PCDH15: variants seen among roughly 807,000 people sequenced by gnomAD.
PCDH15 encodes the protein protocadherin related 15.
In PCDH15, 129 loss-of-function variants were observed where a neutral mutation model predicts 178.5. The ratio of observed to expected loss-of-function variants is 0.72; its 90% CI spans 0.63 to 0.84. The LOEUF is 0.84. Among genes scored for constraint, PCDH15 ranks in the 40% least tolerant of loss-of-function variants. The pLI is 0.00. For missense variants in PCDH15, 2,230 were observed against 2,099.9 expected (o/e 1.06, Z -1.21); for synonymous variants, 800 against 732.0 (o/e 1.09, Z -1.50).
chr10:54,592,345 G>A (rs189642126), intron 2 of PCDH15, among the ~76,000 whole-genome samples: 168 of 141,598 alleles, frequency 1.2e-3, no homozygotes, highest in African/African-American at 4.3e-3. Flanking sequence ...TTCTTCCTTC[G>A]ACTTCCTTCC....
chr10:55,580,993 G>A (rs1165858266), intron 2 of PCDH15, among the ~76,000 whole-genome samples: 2 of 152,080 alleles, frequency 1.3e-5, no homozygotes, highest in Admixed American at 1.3e-4. Context: ...AATGAGATAC[G>A]TTGCTTATCC....
At chr10:55,371,998 A>C (rs908764456) in intron 2 of PCDH15, among the ~76,000 whole-genome samples, 2 of 152,138 alleles carry the variant, frequency 1.3e-5, no homozygotes, top group Non-Finnish European at 2.9e-5. Flanking sequence ...AACTTCAAAC[A>C]GATTCATACA....
At chr10:53,899,897 G>A (rs952205514) in intron 26 of PCDH15, among the ~76,000 whole-genome samples, 1 of 152,062 alleles carries the variant, frequency 6.6e-6, no homozygotes, top group Non-Finnish European at 1.5e-5. Context: ...ACTCCCTTCC[G>A]CTCGTAAATC....
intron 2 of PCDH15, among the ~76,000 whole-genome samples, chr10:55,611,960 G>C (rs555121274): frequency 1.3e-5 from 2 of 152,032 alleles, no homozygotes; most frequent in African/African-American, 4.8e-5. Flanking sequence ...CACGTGAAAA[G>C]TAAAAAATGT....
intron 17 of PCDH15, among the ~76,000 whole-genome samples, chr10:54,068,486 A>T (rs1345679957): frequency 6.6e-6 from 1 of 152,198 alleles, no homozygotes; most frequent in Non-Finnish European, 1.5e-5. Context: ...ATGGTTATAC[A>T]GGATTGTGTT....
chr10:54,452,982 G>C (rs964252846), intron 3 of PCDH15, among the ~76,000 whole-genome samples: 1 of 152,048 alleles, frequency 6.6e-6, no homozygotes, highest in African/African-American at 2.4e-5. Flanking sequence ...GTTAAGATGA[G>C]GTCGTACTGG....
intron 2 of PCDH15, among the ~76,000 whole-genome samples, chr10:55,377,180 T>G (rs1837413852): frequency 6.7e-6 from 1 of 149,450 alleles, no homozygotes; most frequent in South Asian, 2.1e-4. Context: ...AAAAACAGAC[T>G]GGAAGTACTG....
intron 2 of PCDH15, among the ~76,000 whole-genome samples, chr10:54,927,481 A>G (rs1837662072): frequency 6.6e-6 from 1 of 152,020 alleles, no homozygotes; most frequent in African/African-American, 2.4e-5. Context: ...TCAGGTCCTG[A>G]ATATCTTTAT....
At chr10:54,194,608 A>ATGTGTG (rs139042978) in intron 11 of PCDH15, among the ~76,000 whole-genome samples, 3 of 115,442 alleles carry the variant, frequency 2.6e-5, no homozygotes, top group African/African-American at 1.2e-4. Flanking sequence ...TGTTTTATAT[A>ATGTGTG]TATGTGTGTG....
intron 15 of PCDH15, among the ~76,000 whole-genome samples, chr10:54,120,593 T>C (rs545731891): frequency 3.3e-4 from 50 of 152,046 alleles, no homozygotes; most frequent in African/African-American, 1.2e-3. Flanking sequence ...TGGAGTAAGA[T>C]CTACTATGCA....
chr10:54,790,041 A>G (rs1014659455), intron 1 of PCDH15, among the ~76,000 whole-genome samples: 1 of 151,942 alleles, frequency 6.6e-6, no homozygotes, highest in Admixed American at 6.6e-5. Context: ...AAAATATTAA[A>G]TAAAAGTATA....
At chr10:55,328,913 CATATATAT>C (rs56104592) in intron 2 of PCDH15, among the ~76,000 whole-genome samples, 6,398 of 111,234 alleles carry the variant, frequency 0.058, 245 homozygotes, top group African/African-American at 0.096. Context: ...TTCACACAAA[CATATATAT>C]ATATATATAT....
At chr10:53,989,089 T>C (rs2091298691) in intron 21 of PCDH15, among the ~76,000 whole-genome samples, 1 of 152,164 alleles carries the variant, frequency 6.6e-6, no homozygotes. Flanking sequence ...GTTTAAACAG[T>C]TGGCCGCCTA....
intron 3 of PCDH15, among the ~76,000 whole-genome samples, chr10:54,821,915 A>C (rs901989874): frequency 2.6e-5 from 4 of 152,130 alleles, no homozygotes; most frequent in Admixed American, 6.6e-5. Flanking sequence ...AGTATTCATC[A>C]ATTACTTTGC....
In PCDH15 at chr10:55,518,343, T is replaced by C. The variant is rs180737974; in HGVS notation, c.-156+109282A>G. ...AACTCATGTCAGGCTTTGTTTATCTTTGACAATATATCTAACAGTCTGGAT... is the reference window on the plus strand; with the variant it reads ...AACTCATGTCAGGCTTTGTTTATCTCTGACAATATATCTAACAGTCTGGAT... On this transcript the variant is annotated intron_variant, in intron 2 of 5. Transcript: ENST00000613346. Among the ~76,000 whole-genome samples, 551 of 152,228 alleles carry C rather than the reference T, an allele frequency of 3.6e-3. 11 individuals carry two copies. Among genetic ancestry groups the C allele is most frequent in the Non-Finnish European group, 9.8e-4 (67 of 68,026 alleles).
intron 2 of PCDH15, among the ~76,000 whole-genome samples, chr10:54,992,051 A>G (rs16906789): frequency 0.23 from 35,523 of 151,960 alleles, 4,547 homozygotes; most frequent in African/African-American, 0.31. Context: ...ATTGATGCAA[A>G]TGTTTCTATG....
At chr10:54,163,581 G>C (rs144295337) in intron 13 of PCDH15, among the ~76,000 whole-genome samples, 21 of 152,192 alleles carry the variant, frequency 1.4e-4, no homozygotes, top group African/African-American at 4.3e-4. Flanking sequence ...TGAGATTTGG[G>C]TGGGGACACA....
rs183822824 is a variant in PCDH15, at chr10:54,716,680, C to A, written c.-28-52390G>T. ...TTTGGGCTGAGTGAAAATGGCCATA[C>A]CACCCAAGGTAAATCATAGATTCAA... On this transcript the variant is annotated intron_variant, in intron 1 of 37. Transcript: ENST00000644397. Among the ~76,000 whole-genome samples the A allele has an allele frequency of 2.1e-3, 322 of 152,120 alleles. 1 individual carries two copies. The highest frequency in any genetic ancestry group is 7.0e-3 in the African/African-American group (289 of 41,494).
At chr10:55,603,073 G>A (rs1457869236) in intron 2 of PCDH15, among the ~76,000 whole-genome samples, 3 of 152,042 alleles carry the variant, frequency 2.0e-5, no homozygotes, top group East Asian at 3.9e-4. Context: ...ACCAAGGCTC[G>A]AGAACTACGT....
Sources: gnomAD v4.1 joint callset for allele counts (sites outside exome capture counted in the v4.1 genomes callset) on GRCh38, gnomAD v4.1.1 for gene constraint, MANE v1.5 for transcripts, NCBI Gene and HGNC (gene_info 2026-07-23, HGNC 2026-07-21) for gene names.